Variants in TTLL11 observed in about 807,000 individuals in gnomAD.
TTLL11 encodes the protein tubulin tyrosine ligase like 11.
In TTLL11, 42 loss-of-function variants were observed where a neutral mutation model predicts 51.7. That is an observed-to-expected ratio of 0.81 (90% CI 0.64 to 1.05). TTLL11 has a LOEUF of 1.05. TTLL11 is among the 50% of genes least tolerant of loss of function. The pLI is 0.00. For missense variants in TTLL11, 799 were observed against 940.4 expected, an observed-to-expected ratio of 0.85 and a Z score of 1.97; for synonymous variants, 381 against 383.5, an observed-to-expected ratio of 0.99 and a Z score of 0.08.
At chr9:122,047,686 A>C (rs915461585) in intron 1 of TTLL11, among the ~76,000 whole-genome samples, 1 of 152,204 alleles carries the variant, frequency 6.6e-6, no homozygotes, top group African/African-American at 2.4e-5. Flanking sequence ...CTCATTTGAT[A>C]TAATACCACA....
At chr9:122,012,247 G>C (rs1843815681) in intron 3 of TTLL11, among the ~76,000 whole-genome samples, 1 of 152,170 alleles carries the variant, frequency 6.6e-6, no homozygotes, top group Non-Finnish European at 1.5e-5. Flanking sequence ...GACATCTCTA[G>C]TCAAGTGACT....
intron 3 of TTLL11, among the ~76,000 whole-genome samples, chr9:121,999,424 A>G (rs550101917): frequency 6.6e-6 from 1 of 152,228 alleles, no homozygotes; most frequent in East Asian, 1.9e-4. Context: ...AACAGTAAAC[A>G]TTACCACCAT....
At chr9:121,947,282 T>C (rs1243582329) in intron 6 of TTLL11, among the ~76,000 whole-genome samples, 5 of 152,120 alleles carry the variant, frequency 3.3e-5, no homozygotes, top group African/African-American at 1.2e-4. Context: ...AGGAAGTGTT[T>C]TGTTTTGTTT....
At chr9:122,049,090 GTTCTCAGA>G (rs577103678) in intron 1 of TTLL11, among the ~76,000 whole-genome samples, 121 of 151,724 alleles carry the variant, frequency 8.0e-4, no homozygotes, top group African/African-American at 2.8e-3. Context: ...GCCCCTAGTT[GTTCTCAGA>G]TACCAGTGTT....
chr9:121,970,746 T>C lies in TTLL11; in HGVS notation c.1481+3263A>G, dbSNP rs199721252. On this transcript the variant is annotated intron_variant, in intron 6 of 8. Coordinates refer to ENST00000321582, the MANE Select transcript of TTLL11 (RefSeq NM_001139442.2). ...AGAAATAGGAACACTTTTACACTGT[T>C]GGTGGGAGTGTAAATTAGTTCAACT... Among the ~76,000 whole-genome samples the C allele has an allele frequency of 1.2e-4, 18 of 152,318 alleles. No individual in the cohort carries two copies. The East Asian group carries it at 3.3e-3, about 28-fold the overall frequency.
At chr9:121,914,521 T>C (rs1297720764) in intron 6 of TTLL11, among the ~76,000 whole-genome samples, 1 of 152,138 alleles carries the variant, frequency 6.6e-6, no homozygotes, top group Non-Finnish European at 1.5e-5. Flanking sequence ...AGCCCAGATG[T>C]TATCTATCTC....
At chr9:121,991,932 C>T (rs1019145503) in intron 3 of TTLL11, among the ~76,000 whole-genome samples, 2 of 152,172 alleles carry the variant, frequency 1.3e-5, no homozygotes, top group African/African-American at 4.8e-5. Flanking sequence ...AGGATGAGAA[C>T]TGAGGTCTCC....
intron 6 of TTLL11, among the ~76,000 whole-genome samples, chr9:121,925,020 G>A (rs1840672479): frequency 6.6e-6 from 1 of 152,132 alleles, no homozygotes. Context: ...ATCTTATTAT[G>A]AGAATTTCCT....
chr9:122,003,580 G>A (rs1228081817), intron 3 of TTLL11, among the ~76,000 whole-genome samples: 1 of 149,140 alleles, frequency 6.7e-6, no homozygotes, highest in Non-Finnish European at 1.5e-5. Flanking sequence ...TGCCTCCCAG[G>A]TTCAAGCGAT....
At chr9:122,073,925 C>T (rs1199011373) in intron 1 of TTLL11, among the ~76,000 whole-genome samples, 1 of 152,214 alleles carries the variant, frequency 6.6e-6, no homozygotes, top group African/African-American at 2.4e-5. Flanking sequence ...CTGCTTCCCC[C>T]AGCACAGAGC....
chr9:121,942,162 A>C (rs60342310), intron 6 of TTLL11, among the ~76,000 whole-genome samples: 12,766 of 151,792 alleles, frequency 0.084, 850 homozygotes, highest in African/African-American at 0.19. Flanking sequence ...TTGCCCACCA[A>C]CTCAGCCATG....
intron 2 of TTLL11, among the ~76,000 whole-genome samples, chr9:122,038,930 T>C (rs10985502): frequency 0.2 from 30,507 of 152,138 alleles, 3,385 homozygotes; most frequent in Non-Finnish European, 0.24. Flanking sequence ...CTATGACATA[T>C]GCCTAGAATT....
At chr9:121,901,539 C>A (rs902384087) in intron 6 of TTLL11, among the ~76,000 whole-genome samples, 1 of 151,906 alleles carries the variant, frequency 6.6e-6, no homozygotes. Flanking sequence ...ATGTGAATTC[C>A]AACTCCAAAC....
chr9:122,068,245 A>T (rs1845640797), intron 1 of TTLL11, among the ~76,000 whole-genome samples: 1 of 152,230 alleles, frequency 6.6e-6, no homozygotes, highest in Non-Finnish European at 1.5e-5. Flanking sequence ...ATATTAAAAC[A>T]TTAGGTACAT....
intron 6 of TTLL11, among the ~76,000 whole-genome samples, chr9:121,939,940 C>G (rs551243853): frequency 6.6e-6 from 1 of 152,122 alleles, no homozygotes; most frequent in Admixed American, 6.5e-5. Context: ...GGGAAAGAGG[C>G]TGGGGGAGGG....
intron 6 of TTLL11, among the ~76,000 whole-genome samples, chr9:121,897,711 C>G (rs13299353): frequency 0.1 from 15,803 of 151,902 alleles, 995 homozygotes; most frequent in Admixed American, 0.21. Flanking sequence ...AAGGCCACCT[C>G]CTCAGGGAAG....
intron 6 of TTLL11, among the ~76,000 whole-genome samples, chr9:121,886,139 G>A (rs1839004814): frequency 6.6e-6 from 1 of 152,182 alleles, no homozygotes; most frequent in Admixed American, 6.5e-5. Context: ...GCTCCATAGA[G>A]TGTCTTAGCT....
At chr9:121,851,837 TG>T (rs11341861) in intron 8 of TTLL11, among the ~76,000 whole-genome samples, 104,830 of 152,068 alleles carry the variant, frequency 0.69, 37,086 homozygotes, top group African/African-American at 0.85. Flanking sequence ...AGAGGAGTGG[TG>T]GGGGGGAAGC....
At chr9:121,928,645 T>C (rs944706802) in intron 6 of TTLL11, among the ~76,000 whole-genome samples, 1 of 152,084 alleles carries the variant, frequency 6.6e-6, no homozygotes, top group African/African-American at 2.4e-5. Context: ...TGCACCATGT[T>C]GGCCAGGATG....
Sources: allele counts gnomAD v4.1 joint callset (sites outside exome capture counted in the v4.1 genomes callset), GRCh38; gene constraint gnomAD v4.1.1; transcripts MANE v1.5; gene names NCBI Gene and HGNC (gene_info 2026-07-23, HGNC 2026-07-21).